KIAA0825: variants seen among roughly 807,000 people sequenced by gnomAD.
The protein encoded by KIAA0825 is KIAA0825, also known as uncharacterized protein KIAA0825.
KIAA0825 carries 119 observed loss-of-function variants against 147.6 expected under a neutral mutation model. That is an observed-to-expected ratio of 0.81 (90% confidence interval 0.69 to 0.94). The LOEUF is 0.94. KIAA0825 is among the 40% of genes least tolerant of loss of function. The pLI, the probability that KIAA0825 is intolerant of heterozygous loss-of-function variation, is 0.00. For synonymous variants in KIAA0825, 470 were observed against 518.1 expected (o/e 0.91, Z 1.26); for missense variants, 1,381 against 1,472.7 (o/e 0.94, Z 1.02).
chr5:94,214,393 T>C (rs1317483544), intron 20 of KIAA0825, among the ~76,000 whole-genome samples: 4 of 152,214 alleles, frequency 2.6e-5, no homozygotes, highest in Admixed American at 6.5e-5. Flanking sequence ...GACTTATTCA[T>C]TGAGGCAAAC....
chr5:94,233,277 T>A (rs1260323185), intron 20 of KIAA0825, among the ~76,000 whole-genome samples: 2 of 152,222 alleles, frequency 1.3e-5, no homozygotes, highest in Non-Finnish European at 1.5e-5. Context: ...CAAATTGACA[T>A]GATTCCTAAA....
chr5:94,597,841 A>T lies in KIAA0825; in HGVS notation c.-152-15258T>A, dbSNP rs577751920. On this transcript the variant is annotated intron_variant, in intron 1 of 20. Transcript: ENST00000682413. ...TAAATATTGCAGGCAATTGTAACAC[A>T]ATGGTAAGTATTTGTGTATCTAAAC... Among the ~76,000 whole-genome samples, 62 of 152,298 alleles carry T rather than the reference A, an allele frequency of 4.1e-4. 1 individual carries two copies. In the South Asian group the frequency reaches 8.5e-3, roughly 21 times the overall value.
At chr5:94,589,820 G>T (rs1784016144) in intron 1 of KIAA0825, among the ~76,000 whole-genome samples, 1 of 147,994 alleles carries the variant, frequency 6.8e-6, no homozygotes. Context: ...TCCAAAATCT[G>T]TACTTTATCC....
chr5:94,212,587 G>A (rs7378943), intron 20 of KIAA0825, among the ~76,000 whole-genome samples: 1 of 152,086 alleles, frequency 6.6e-6, no homozygotes, highest in African/African-American at 2.4e-5. Flanking sequence ...ACATTTACAC[G>A]GGATACCCTT....
chr5:94,395,291 G>T (rs1347496904), intron 17 of KIAA0825, among the ~76,000 whole-genome samples: 2 of 152,042 alleles, frequency 1.3e-5, no homozygotes, highest in African/African-American at 2.4e-5. Flanking sequence ...TAGTCATTTT[G>T]GGCAGAAAGT....
chr5:94,372,694 G>A (rs558055061), intron 20 of KIAA0825, among the ~76,000 whole-genome samples: 17 of 152,330 alleles, frequency 1.1e-4, no homozygotes, highest in African/African-American at 3.6e-4. Context: ...ACGGGCTGCC[G>A]TGAAGGTCTC....
At chr5:94,308,268 C>G (rs1239236283) in intron 20 of KIAA0825, among the ~76,000 whole-genome samples, 1 of 151,716 alleles carries the variant, frequency 6.6e-6, no homozygotes, top group Non-Finnish European at 1.5e-5. Flanking sequence ...AACCCAACAC[C>G]ATGCATTATA....
At chr5:94,327,027 G>C (rs1261469235) in intron 20 of KIAA0825, among the ~76,000 whole-genome samples, 1 of 152,124 alleles carries the variant, frequency 6.6e-6, no homozygotes, top group African/African-American at 2.4e-5. Context: ...AGAGAAAAAA[G>C]AATTATGCTA....
rs1766633637 is a variant in KIAA0825 at position 94,152,850 on chromosome 5, A to T, written c.*1157T>A. 7 of 20,522 alleles carry T rather than the reference A, an allele frequency of 3.4e-4. No individual in the cohort carries two copies. Among genetic ancestry groups the T allele is most frequent in the Admixed American group, 7.3e-4 (1 of 1,368 alleles). 1.3% of individuals were successfully genotyped at this position (20,522 alleles called of 1,614,324 possible). On this transcript the variant is annotated 3_prime_UTR_variant, in exon 21 of 21. Transcript: ENST00000682413. ...AAAAAAAAAAAAAAAAAAAAAAAAA[A>T]AAAAATTATATATATATATATATAT...
At chr5:94,179,751 C>T (rs1344702600) in intron 20 of KIAA0825, among the ~76,000 whole-genome samples, 1 of 151,980 alleles carries the variant, frequency 6.6e-6, no homozygotes, top group Non-Finnish European at 1.5e-5. Flanking sequence ...AGATAGGAGC[C>T]ACCCAGGAAA....
intron 15 of KIAA0825, chr5:94,413,608 C>T (rs981953142): frequency 6.6e-6 from 1 of 152,090 alleles, no homozygotes; most frequent in African/African-American, 2.4e-5. Context: ...AAAAGCAGGT[C>T]AGTGTCTTCC....
At chr5:94,515,665 G>A (rs751748822) in intron 5 of KIAA0825, among the ~76,000 whole-genome samples, 4 of 151,818 alleles carry the variant, frequency 2.6e-5, no homozygotes, top group Non-Finnish European at 4.4e-5. Flanking sequence ...GGTGGCAGGC[G>A]CCTGTGATCC....
intron 13 of KIAA0825, among the ~76,000 whole-genome samples, chr5:94,443,040 T>A (rs527790935): frequency 6.6e-6 from 1 of 152,254 alleles, no homozygotes; most frequent in South Asian, 2.1e-4. Flanking sequence ...CCGCTGTATC[T>A]GAATACCTGG....
chr5:94,260,828 G>A (rs1283438013), intron 20 of KIAA0825, among the ~76,000 whole-genome samples: 2 of 151,988 alleles, frequency 1.3e-5, no homozygotes, highest in African/African-American at 4.8e-5. Flanking sequence ...ATTTTGCAAA[G>A]GAAAACAACA....
intron 2 of KIAA0825, among the ~76,000 whole-genome samples, chr5:94,575,273 C>A (rs949151310): frequency 6.7e-6 from 1 of 149,172 alleles, no homozygotes; most frequent in Non-Finnish European, 1.5e-5. Flanking sequence ...TGGTGTGGGG[C>A]GAGACAACAG....
intron 20 of KIAA0825, among the ~76,000 whole-genome samples, chr5:94,290,193 G>C (rs1168665489): frequency 1.3e-5 from 2 of 152,156 alleles, no homozygotes; most frequent in Non-Finnish European, 2.9e-5. Context: ...GTGCAAGTTT[G>C]TTACATAGAT....
chr5:94,493,552 A>G (rs1562555494), intron 5 of KIAA0825, among the ~76,000 whole-genome samples: 1 of 152,022 alleles, frequency 6.6e-6, no homozygotes, highest in East Asian at 1.9e-4. Context: ...CAGTGGCGCA[A>G]TCTCAGCTCA....
chr5:94,162,667 T>G (rs1001857288), intron 20 of KIAA0825, among the ~76,000 whole-genome samples: 1 of 152,200 alleles, frequency 6.6e-6, no homozygotes, highest in Non-Finnish European at 1.5e-5. Context: ...TGCAGATAGA[T>G]GTCATGTTAT....
intron 6 of KIAA0825, among the ~76,000 whole-genome samples, chr5:94,480,345 G>A (rs913023593): frequency 2.0e-5 from 3 of 151,958 alleles, no homozygotes; most frequent in African/African-American, 7.2e-5. Flanking sequence ...TTTTAACATG[G>A]AGGTATGTAT....
Sources: gnomAD v4.1 joint callset for allele counts (sites outside exome capture counted in the v4.1 genomes callset) on GRCh38, gnomAD v4.1.1 for gene constraint, MANE v1.5 for transcripts, NCBI Gene and HGNC (gene_info 2026-07-23, HGNC 2026-07-21) for gene names.